The following SNAI3 variants were observed in gnomAD, a reference collection of about 807,000 sequenced individuals.
The protein encoded by SNAI3 is zinc finger protein SNAI3.
SNAI3 carries 21 observed loss-of-function variants against 16.4 expected under a neutral mutation model. The observed-to-expected ratio is 1.28, with a 90% CI of 0.91 to 1.85. The LOEUF is 1.85. Ranked by LOEUF, SNAI3 falls within the 40% of genes most tolerant of loss-of-function variation. SNAI3 has a pLI of 0.00. For missense variants in SNAI3, 457 were observed against 372.8 expected, an observed-to-expected ratio of 1.23 and a Z score of -1.86; for synonymous variants, 202 against 166.6, an observed-to-expected ratio of 1.21 and a Z score of -1.64.
rs1158412326 is a variant in SNAI3 at position 88,686,505 on chromosome 16, A to G, written c.-99T>C. ...GCCGGCGCTTGAAGGGGTCAGGCTCATTAGCATAGCGCGCCGCCTCCGCCA... is the reference window on the plus strand; with the variant it reads ...GCCGGCGCTTGAAGGGGTCAGGCTCGTTAGCATAGCGCGCCGCCTCCGCCA... On this transcript the variant is annotated 5_prime_UTR_variant, in exon 1 of 3. It removes an upstream start codon present in the reference 5' UTR. Transcript: ENST00000332281. The G allele has an allele frequency of 2.0e-6, 3 of 1,476,358 alleles. No homozygotes were observed. Among genetic ancestry groups the G allele is most frequent in the Non-Finnish European group, 2.7e-6 (3 of 1,118,450 alleles). 91.5% of individuals were successfully genotyped at this position (1,476,358 alleles called of 1,614,324 possible). A position where few individuals can be genotyped will look rare whatever the true frequency, so the allele number is the denominator to read the frequency against.
Position 88,678,596 on chromosome 16 carries a change from C to T in SNAI3, c.731G>A (p.Arg244Lys), listed in dbSNP as rs765112173. The change falls in exon 3 of 3, where the codon AGG becomes AAG. Residue 244 changes from arginine to lysine, a missense_variant. Physicochemically the swap from Arg to Lys is conservative, Grantham distance 26 (BLOSUM62 2). Transcript: ENST00000332281. ...AAGGTTGGAGCGGTCGGCAAAGGCC[C>T]TGCTGCAGTGCGAGCAGGCATAGGG... Reference protein sequence around the residue: ...EKPYACSHCSRAFADRSNLRA... With the variant: ...EKPYACSHCSKAFADRSNLRA... The T allele has an allele frequency of 1.8e-6, 2 of 1,084,490 alleles. No homozygotes were observed. Among genetic ancestry groups the T allele is most frequent in the Non-Finnish European group, 2.9e-6 (2 of 699,114 alleles). 67.2% of individuals were successfully genotyped at this position (1,084,490 alleles called of 1,614,324 possible).
rs1346575688 is a variant in SNAI3 at position 88,677,742 on chromosome 16, C to T, written c.*706G>A. 1 of 152,264 alleles carries T rather than the reference C, an allele frequency of 6.6e-6. No individual in the cohort carries two copies. The highest frequency in any genetic ancestry group is 1.5e-5 in the Non-Finnish European group (1 of 68,072). 9.4% of individuals were successfully genotyped at this position (152,264 alleles called of 1,614,324 possible). On this transcript the variant is annotated 3_prime_UTR_variant, in exon 3 of 3. Transcript: ENST00000332281. ...TGTTATTGCCTGGGAAGCTGAGTGC[C>T]CTGAGACCCCAGCCCCCTGAGGCTC... is the stretch of plus-strand genomic sequence containing the variant.
intron 2 of SNAI3, among the ~76,000 whole-genome samples, chr16:88,680,827 T>G (rs1243933379): frequency 6.6e-6 from 1 of 152,034 alleles, no homozygotes; most frequent in Admixed American, 6.6e-5. Context: ...AACCCCTGGC[T>G]TGAAGTGATC....
At chr16:88,678,653 G>C (rs774157720) in intron 2 of SNAI3, 24 bp from the exon 3 acceptor site, 1 of 1,502,114 alleles carries the variant, frequency 6.7e-7, no homozygotes, top group Non-Finnish European at 9.2e-7. Context: ...GCGGCGGCCA[G>C]TGACACCATG....
chr16:88,686,413 C>T lies in SNAI3; in HGVS notation c.-7G>A. The T allele has an allele frequency of 1.9e-6, 3 of 1,609,522 alleles. No individual in the cohort carries two copies. The highest frequency in any genetic ancestry group is 1.1e-5 in the South Asian group (1 of 90,966). On this transcript the variant is annotated 5_prime_UTR_variant, in exon 1 of 3. Transcript: ENST00000332281. ...CCAGGAAGGAGCGCGGCATGTTCCC[C>T]TCCCGGGCGGCAGGCCGGGGTGGGC...
intron 1 of SNAI3, among the ~76,000 whole-genome samples, chr16:88,682,921 C>T (rs1430121932): frequency 1.3e-5 from 2 of 149,568 alleles, no homozygotes; most frequent in Admixed American, 6.7e-5. Context: ...AGTACAGGCG[C>T]CTGCCACCAC....
At chr16:88,684,456 T>A (rs1297512826) in intron 1 of SNAI3, among the ~76,000 whole-genome samples, 2 of 152,184 alleles carry the variant, frequency 1.3e-5, no homozygotes, top group Non-Finnish European at 2.9e-5. Flanking sequence ...CTTGCCTTTT[T>A]ATTCATGCTG....
intron 1 of SNAI3, chr16:88,686,125 C>T (rs1419845426): frequency 5.1e-6 from 3 of 586,634 alleles, no homozygotes; most frequent in Admixed American, 6.3e-5. Context: ...CCCGCCCTGC[C>T]GGAGGCGGGG....
intron 1 of SNAI3, among the ~76,000 whole-genome samples, chr16:88,684,658 G>T (rs1305360716): frequency 6.6e-6 from 1 of 152,092 alleles, no homozygotes; most frequent in Non-Finnish European, 1.5e-5. Flanking sequence ...AGCACACCGG[G>T]GTAACTTCTG....
intron 1 of SNAI3, among the ~76,000 whole-genome samples, chr16:88,683,436 A>G (rs1909249698): frequency 6.7e-6 from 1 of 150,212 alleles, no homozygotes; most frequent in South Asian, 2.1e-4. Flanking sequence ...TTGTATTCTT[A>G]GTAGAGACAG....
At chr16:88,686,117 C>A (rs1436500482) in intron 1 of SNAI3, 13 of 574,264 alleles carry the variant, frequency 2.3e-5, no homozygotes, top group African/African-American at 1.9e-4. Flanking sequence ...GAATCCCGCC[C>A]GCCCTGCCGG....
At chr16:88,678,967 G>C (rs1044353551) in intron 2 of SNAI3, 1 of 985,432 alleles carries the variant, frequency 1.0e-6, no homozygotes, top group African/African-American at 1.7e-5. Context: ...AGCTCCAGCA[G>C]AATCCAGGGC....
At chr16:88,686,223 C>T in intron 1 of SNAI3, 108 bp downstream of exon 1, 1 of 1,371,386 alleles carries the variant, frequency 7.3e-7, no homozygotes. Context: ...CCTTCTCCTC[C>T]CACCTGGGAC....
chr16:88,682,792 T>TTTTTTTTTTTA (rs1555545991), intron 1 of SNAI3, among the ~76,000 whole-genome samples: 2 of 119,502 alleles, frequency 1.7e-5, no homozygotes, highest in Non-Finnish European at 3.4e-5. Context: ...TTTTTTTTTT[T>TTTTTTTTTTTA]AGAGACGGAG....
In SNAI3 at chr16:88,686,456, G is replaced by C. The variant is rs200493578; in HGVS notation, c.-50C>G. The C allele has an allele frequency of 3.4e-4, 535 of 1,589,082 alleles. 2 individuals carry two copies. In the East Asian group the frequency reaches 7.7e-3, roughly 23 times the overall value. On this transcript the variant is annotated 5_prime_UTR_variant, in exon 1 of 3. Transcript: ENST00000332281. Reference sequence around the variant, plus strand: ...GGGTGGGCTGGGGCGGGAGGGGCGCGCCTGGGTCCGGACTGCTGCGTCCGC... The same window carrying C: ...GGGTGGGCTGGGGCGGGAGGGGCGCCCCTGGGTCCGGACTGCTGCGTCCGC...
rs1909184198 is a variant in SNAI3 at position 88,681,830 on chromosome 16, G to T, written c.77-116C>A. ...GCCCATCAGCAGCCTGGCGTGGGAGGTGTAGCCGGGAACCTGCATGCAGAC... is the reference window on the plus strand; with the variant it reads ...GCCCATCAGCAGCCTGGCGTGGGAGTTGTAGCCGGGAACCTGCATGCAGAC... On this transcript the variant is annotated intron_variant, in intron 1 of 2. Coordinates refer to ENST00000332281, the MANE Select transcript of SNAI3 (RefSeq NM_178310.4). The surrounding 1 kb of genome is among the most constrained non-coding windows in gnomAD (Gnocchi z 5.4). 8.4e-7 allele frequency: 1 copy of T among 1,189,566 alleles called. No homozygotes were observed. Among genetic ancestry groups the T allele is most frequent in the Non-Finnish European group, 1.1e-6 (1 of 932,330 alleles). The allele number at this position is 1,189,566 out of a possible 1,614,324, so 73.7% of individuals were successfully genotyped here.
rs373908638 is a variant in SNAI3 at position 88,678,457 on chromosome 16, C to T, written c.870G>A (p.Pro290=). ...GCCGACCACGTGCCTCTCAGGGGCCCGGGCAGCAGCCAGACTCCTCATGCC... is the reference window on the plus strand; with the variant it reads ...GCCGACCACGTGCCTCTCAGGGGCCTGGGCAGCAGCCAGACTCCTCATGCC... The part of the protein sequence containing the change: ...LARHEESGCC[P]GP Residue 290 remains proline, a synonymous_variant, in exon 3 of 3, where the codon CCG becomes CCA. Transcript: ENST00000332281. The T allele has an allele frequency of 6.1e-5, 47 of 771,010 alleles. No individual in the cohort carries two copies. The highest frequency in any genetic ancestry group is 4.6e-4 in the African/African-American group (27 of 59,142). The allele number at this position is 771,010 out of a possible 1,614,324, so 47.8% of individuals were successfully genotyped here.
Position 88,681,035 on chromosome 16 carries a change from C to G in SNAI3, c.697+59G>C. The G allele has an allele frequency of 1.3e-6, 2 of 1,563,360 alleles. No individual in the cohort carries two copies. Among genetic ancestry groups the G allele is most frequent in the Non-Finnish European group, 1.7e-6 (2 of 1,150,096 alleles). ...TCACCCCTCCTCCTTTTCTAACTCC[C>G]GCAGCCCACCCTCTTCCCCCAGCCC... On this transcript the variant is annotated intron_variant, in intron 2 of 2. Coordinates refer to ENST00000332281, the MANE Select transcript of SNAI3 (RefSeq NM_178310.4). This position sits in a 1 kb window ranked among gnomAD's most constrained non-coding sequence, Gnocchi z 5.4.
At chr16:88,679,156 C>T in intron 2 of SNAI3, 1 of 953,504 alleles carries the variant, frequency 1.0e-6, no homozygotes, top group Non-Finnish European at 1.2e-6. Flanking sequence ...CCTCAGCCTG[C>T]AGCCCCTGAG....
Sources: allele counts gnomAD v4.1 joint callset (sites outside exome capture counted in the v4.1 genomes callset), GRCh38; gene constraint gnomAD v4.1.1; non-coding constraint Gnocchi (gnomAD v3.1); transcripts MANE v1.5; gene names NCBI Gene and HGNC (gene_info 2026-07-23, HGNC 2026-07-21).